Variants in POFUT3 observed in about 807,000 individuals in gnomAD.
POFUT3 encodes protein O-fucosyltransferase 3.
the POFUT3 span, among the ~76,000 whole-genome samples, chr8:33,381,545 C>T: frequency 6.6e-6 from 1 of 152,294 alleles, no homozygotes; most frequent in Non-Finnish European, 1.5e-5. Context: ...GTAGTTCATG[C>T]TCTCCTGGTA....
the POFUT3 span, among the ~76,000 whole-genome samples, chr8:33,417,950 C>G: frequency 6.6e-6 from 1 of 152,120 alleles, no homozygotes; most frequent in African/African-American, 2.4e-5. Flanking sequence ...CCTAGCCATG[C>G]GACAGCACCT....
the POFUT3 span, among the ~76,000 whole-genome samples, chr8:33,355,045 G>C: frequency 3.3e-3 from 509 of 152,264 alleles, 7 homozygotes; most frequent in African/African-American, 0.012. Flanking sequence ...ACCCACAATG[G>C]AGAAATGGAA....
At chr8:33,413,331 C>T in the POFUT3 span, among the ~76,000 whole-genome samples, 4 of 152,046 alleles carry the variant, frequency 2.6e-5, no homozygotes, top group African/African-American at 7.2e-5. Context: ...AGAGCTCTCT[C>T]GGGCGCTCAC....
the POFUT3 span, among the ~76,000 whole-genome samples, chr8:33,469,262 C>T: frequency 6.6e-6 from 1 of 152,104 alleles, no homozygotes; most frequent in African/African-American, 2.4e-5. Context: ...GCCGAGATCG[C>T]GCCACTGCAC....
chr8:33,470,096 A>T, the POFUT3 span, among the ~76,000 whole-genome samples: 1 of 151,752 alleles, frequency 6.6e-6, no homozygotes, highest in Non-Finnish European at 1.5e-5. Context: ...CCCGGCAAGA[A>T]GCACAGATTT....
the POFUT3 span, chr8:33,389,659 C>T: frequency 1.8e-5 from 29 of 1,613,998 alleles, no homozygotes; most frequent in East Asian, 2.2e-5. Context: ...GCCTGCTGAA[C>T]GTGGCAGTGT....
At chr8:33,444,511 C>A in the POFUT3 span, among the ~76,000 whole-genome samples, 3 of 152,004 alleles carry the variant, frequency 2.0e-5, no homozygotes, top group African/African-American at 7.2e-5. Context: ...TACTTTATGT[C>A]AAATACTGTA....
At chr8:33,317,065 G>T in the POFUT3 span, among the ~76,000 whole-genome samples, 14 of 152,084 alleles carry the variant, frequency 9.2e-5, no homozygotes, top group East Asian at 2.3e-3. Context: ...GGAAAATCTT[G>T]AGTTCCTTCA....
At chr8:33,386,352 C>G in the POFUT3 span, among the ~76,000 whole-genome samples, 1 of 152,276 alleles carries the variant, frequency 6.6e-6, no homozygotes, top group South Asian at 2.1e-4. Flanking sequence ...CTGACCACCT[C>G]TCTGGGAGGA....
the POFUT3 span, among the ~76,000 whole-genome samples, chr8:33,403,882 A>T: frequency 6.6e-6 from 1 of 152,116 alleles, no homozygotes; most frequent in Non-Finnish European, 1.5e-5. Context: ...GAAAATCCCC[A>T]CGTACACTCC....
chr8:33,432,100 C>T, the POFUT3 span, among the ~76,000 whole-genome samples: 1 of 152,022 alleles, frequency 6.6e-6, no homozygotes, highest in Non-Finnish European at 1.5e-5. Flanking sequence ...CATAGTGAGA[C>T]CCTGTCTCTA....
At chr8:33,439,057 T>C in the POFUT3 span, among the ~76,000 whole-genome samples, 1 of 152,236 alleles carries the variant, frequency 6.6e-6, no homozygotes, top group Non-Finnish European at 1.5e-5. Context: ...CACTTCCTTC[T>C]GCTCTGCATC....
At chr8:33,367,213 G>A in the POFUT3 span, among the ~76,000 whole-genome samples, 3 of 152,176 alleles carry the variant, frequency 2.0e-5, no homozygotes, top group Admixed American at 6.5e-5. Flanking sequence ...TAACGCCCAC[G>A]CTGGAAGGTG....
At chr8:33,420,021 T>C in the POFUT3 span, among the ~76,000 whole-genome samples, 2 of 151,842 alleles carry the variant, frequency 1.3e-5, no homozygotes, top group African/African-American at 4.8e-5. Context: ...CCAGCCTCTC[T>C]CGAGGCTGAG....
At chr8:33,454,966 A>G in the POFUT3 span, among the ~76,000 whole-genome samples, 1 of 152,142 alleles carries the variant, frequency 6.6e-6, no homozygotes, top group African/African-American at 2.4e-5. Context: ...ACGCCCAGCC[A>G]GTTTTGCCTC....
At chr8:33,345,511 G>A in the POFUT3 span, among the ~76,000 whole-genome samples, 16 of 147,604 alleles carry the variant, frequency 1.1e-4, no homozygotes, top group African/African-American at 2.5e-4. Context: ...AGTGATTTTC[G>A]TGCCTCAGCC....
the POFUT3 span, among the ~76,000 whole-genome samples, chr8:33,433,834 G>A: frequency 5.3e-5 from 8 of 151,948 alleles, no homozygotes; most frequent in Non-Finnish European, 7.4e-5. Flanking sequence ...TAGGCATGGT[G>A]GTATGGACCT....
the POFUT3 span, among the ~76,000 whole-genome samples, chr8:33,333,773 C>T: frequency 6.6e-6 from 1 of 152,050 alleles, no homozygotes; most frequent in Non-Finnish European, 1.5e-5. Flanking sequence ...GGATTCAGGT[C>T]CATACTCTAA....
chr8:33,419,678 T>C, the POFUT3 span, among the ~76,000 whole-genome samples: 3 of 152,138 alleles, frequency 2.0e-5, no homozygotes, highest in Non-Finnish European at 4.4e-5. Context: ...AGGTTCCTCA[T>C]AAATGGGTAC....
Sources: gnomAD v4.1 joint callset for allele counts (sites outside exome capture counted in the v4.1 genomes callset) on GRCh38, gnomAD v4.1.1 for gene constraint, MANE v1.5 for transcripts, NCBI Gene and HGNC (gene_info 2026-07-23, HGNC 2026-07-21) for gene names.